The following RAD51B variants were observed in gnomAD, a reference collection of about 807,000 sequenced individuals.
The protein encoded by RAD51B is RAD51 paralog B.
RAD51B carries 38 observed loss-of-function variants against 42.2 expected under a neutral mutation model. That is an observed-to-expected ratio of 0.90 (90% CI 0.70 to 1.18). RAD51B has a LOEUF of 1.18. RAD51B is among the 50% of genes most tolerant of loss of function. RAD51B has a pLI of 0.00. For synonymous variants in RAD51B, 154 were observed against 145.2 expected (o/e 1.06, Z -0.43); for missense variants, 373 against 400.7 (o/e 0.93, Z 0.59).
chr14:68,068,419 A>G lies in RAD51B; in HGVS notation c.756+181215A>G, dbSNP rs1056325279. ...TTTTCTCTTTGTAGAATGTTCACTC[A>G]TGTTTTAGTATTTATCAGCACTTTA... is the stretch of plus-strand genomic sequence containing the variant. On this transcript the variant is annotated intron_variant, in intron 7 of 10. Transcript: ENST00000471583. Among the ~76,000 whole-genome samples the G allele has an allele frequency of 5.9e-5, 9 of 152,174 alleles. No individual in the cohort carries two copies. In the South Asian group the frequency reaches 8.3e-4, roughly 14 times the overall value.
At chr14:68,538,202 T>C (rs956788143) in intron 10 of RAD51B, among the ~76,000 whole-genome samples, 5 of 152,216 alleles carry the variant, frequency 3.3e-5, no homozygotes, top group Non-Finnish European at 5.9e-5. Context: ...TCTGTCCTCC[T>C]AAGGGCATTC....
intron 8 of RAD51B, among the ~76,000 whole-genome samples, chr14:68,365,488 G>C (rs1045772627): frequency 4.6e-5 from 7 of 152,292 alleles, no homozygotes; most frequent in Admixed American, 1.3e-4. Context: ...ATACAATCTA[G>C]ATATTTCATC....
chr14:68,297,792 C>G (rs1391758629), intron 8 of RAD51B, among the ~76,000 whole-genome samples: 1 of 152,146 alleles, frequency 6.6e-6, no homozygotes, highest in Non-Finnish European at 1.5e-5. Flanking sequence ...GCAACTGAAG[C>G]ATGAAGGAGA....
intron 7 of RAD51B, among the ~76,000 whole-genome samples, chr14:68,045,027 G>A (rs963672593): frequency 1.3e-5 from 2 of 151,890 alleles, no homozygotes; most frequent in African/African-American, 2.4e-5. Context: ...ATCACCTGAG[G>A]TCAGGAGTTT....
intron 7 of RAD51B, among the ~76,000 whole-genome samples, chr14:68,059,866 A>G (rs772896543): frequency 7.9e-5 from 12 of 152,244 alleles, no homozygotes; most frequent in Non-Finnish European, 1.5e-4. Flanking sequence ...TAAATCCTGT[A>G]TTTAAAATTT....
intron 7 of RAD51B, chr14:68,125,332 T>C (rs1162199842): frequency 6.6e-6 from 1 of 152,196 alleles, no homozygotes; most frequent in East Asian, 1.9e-4. Flanking sequence ...TACCTGTCAT[T>C]GTTGCCAGAT....
intron 11 of RAD51B, among the ~76,000 whole-genome samples, chr14:68,679,677 T>C (rs773516086): frequency 3.3e-5 from 5 of 152,244 alleles, no homozygotes; most frequent in Admixed American, 6.5e-5. Context: ...CAGTTCAGCA[T>C]ATCTGGTTTA....
At chr14:68,403,535 C>G (rs2084178407) in intron 8 of RAD51B, among the ~76,000 whole-genome samples, 1 of 152,138 alleles carries the variant, frequency 6.6e-6, no homozygotes, top group Non-Finnish European at 1.5e-5. Context: ...AGAAGCCCAT[C>G]ACCTTTTTGG....
chr14:67,877,236 T>A (rs1209738835), intron 5 of RAD51B, among the ~76,000 whole-genome samples: 1 of 152,174 alleles, frequency 6.6e-6, no homozygotes, highest in Non-Finnish European at 1.5e-5. Context: ...TTGACATTCA[T>A]CTCAGTTGAT....
intron 7 of RAD51B, among the ~76,000 whole-genome samples, chr14:68,061,818 T>C (rs1053192414): frequency 6.6e-6 from 1 of 152,194 alleles, no homozygotes; most frequent in East Asian, 1.9e-4. Context: ...GGTTTTTCTA[T>C]ATGTTAAATT....
rs537202889 is a variant in RAD51B, at chr14:67,904,270, A to G, written c.756+17066A>G. On this transcript the variant is annotated intron_variant, in intron 7 of 10. Transcript: ENST00000471583. ...CTTATATTCCTTTGGTTATATACCT[A>G]GTAGTAGGATTGCTAGGTTGAACGA... 3.9e-5 allele frequency among the ~76,000 whole-genome samples: 6 copies of G among 152,202 alleles called. No homozygotes were observed. In the East Asian group the frequency reaches 1.2e-3, roughly 29 times the overall value.
rs573258567 is a variant in RAD51B, at chr14:68,661,265, A to G, written c.*11+10409A>G. On this transcript the variant is annotated intron_variant, in intron 11 of 11. Coordinates refer to the RAD51B transcript ENST00000488612. Reference sequence around the variant, plus strand: ...AGATTCCCACATATTCCACAAACACACTGCAGAACAGGAGAAATTATTCCC... The same window carrying G: ...AGATTCCCACATATTCCACAAACACGCTGCAGAACAGGAGAAATTATTCCC... Among the ~76,000 whole-genome samples, 5 of 152,360 alleles carry G rather than the reference A, an allele frequency of 3.3e-5. No homozygotes were observed. In the South Asian group the frequency reaches 1.0e-3, roughly 32 times the overall value.
At chr14:68,430,980 A>G (rs2084988564) in intron 9 of RAD51B, among the ~76,000 whole-genome samples, 1 of 152,190 alleles carries the variant, frequency 6.6e-6, no homozygotes, top group Admixed American at 6.5e-5. Context: ...AATTTTGTCA[A>G]GGGCCTTTTC....
intron 7 of RAD51B, among the ~76,000 whole-genome samples, chr14:68,064,381 TTCTTTG>T (rs1236290950): frequency 6.6e-6 from 1 of 152,190 alleles, no homozygotes; most frequent in Non-Finnish European, 1.5e-5. Flanking sequence ...TTACAATTCT[TTCTTTG>T]TCTTTGACTT....
At chr14:68,031,667 A>T (rs1020260520) in intron 7 of RAD51B, among the ~76,000 whole-genome samples, 2 of 150,756 alleles carry the variant, frequency 1.3e-5, no homozygotes, top group Admixed American at 6.6e-5. Flanking sequence ...TGGTGTCTTT[A>T]AAAAAAAAAT....
chr14:68,389,957 T>G (rs999371545), intron 8 of RAD51B, among the ~76,000 whole-genome samples: 1 of 152,248 alleles, frequency 6.6e-6, no homozygotes, highest in Non-Finnish European at 1.5e-5. Context: ...TGTAACAGAT[T>G]AGGAACTGAA....
intron 10 of RAD51B, among the ~76,000 whole-genome samples, chr14:68,569,683 C>G (rs150754574): frequency 0.013 from 1,904 of 152,280 alleles, 13 homozygotes; most frequent in Middle Eastern, 0.034. Flanking sequence ...TGATTGCCTC[C>G]TTGGAGATGG....
intron 7 of RAD51B, among the ~76,000 whole-genome samples, chr14:68,159,079 CA>C (rs1233006717): frequency 6.6e-6 from 1 of 151,790 alleles, no homozygotes; most frequent in African/African-American, 2.4e-5. Context: ...CTAATGCTCC[CA>C]AAAGGTTTGT....
chr14:68,190,768 A>G (rs907644565), intron 7 of RAD51B, among the ~76,000 whole-genome samples: 2 of 152,218 alleles, frequency 1.3e-5, no homozygotes, highest in Non-Finnish European at 2.9e-5. Context: ...TCTTAATTTA[A>G]CAAGTGTCCA....
Sources: gnomAD v4.1 joint callset for allele counts (sites outside exome capture counted in the v4.1 genomes callset) on GRCh38, gnomAD v4.1.1 for gene constraint, MANE v1.5 for transcripts, NCBI Gene and HGNC (gene_info 2026-07-23, HGNC 2026-07-21) for gene names.